Variants in PSEN1 observed in about 807,000 individuals in gnomAD.
The protein encoded by PSEN1 is presenilin-1.
A neutral mutation model predicts 53.5 loss-of-function variants in PSEN1; 15 were observed. That is an observed-to-expected ratio of 0.28 (90% CI 0.19 to 0.43). The LOEUF is 0.43. PSEN1 is among the 20% of genes least tolerant of loss of function. The pLI, the probability that PSEN1 is intolerant of heterozygous loss-of-function variation, is 1.00. For synonymous variants in PSEN1, 208 were observed against 209.8 expected, an observed-to-expected ratio of 0.99 and a Z score of 0.08; for missense variants, 387 against 571.2, an observed-to-expected ratio of 0.68 and a Z score of 3.29.
intron 3 of PSEN1, among the ~76,000 whole-genome samples, chr14:73,156,098 G>T (rs1897345986): frequency 6.6e-6 from 1 of 152,102 alleles, no homozygotes; most frequent in African/African-American, 2.4e-5. Flanking sequence ...ACTTTGGAAG[G>T]CTGAGGCGGG....
intron 5 of PSEN1, among the ~76,000 whole-genome samples, chr14:73,182,169 T>A (rs989199505): frequency 2.6e-5 from 4 of 152,184 alleles, no homozygotes; most frequent in Non-Finnish European, 5.9e-5. Context: ...GTTACAAGCA[T>A]ATGTTACTTT....
intron 8 of PSEN1, among the ~76,000 whole-genome samples, chr14:73,205,163 G>A (rs1899399524): frequency 6.6e-6 from 1 of 152,046 alleles, no homozygotes; most frequent in South Asian, 2.1e-4. Context: ...AGACATAAAT[G>A]TCAAGTATCT....
At chr14:73,193,352 C>T (rs1281920448) in intron 7 of PSEN1, among the ~76,000 whole-genome samples, 5 of 151,600 alleles carry the variant, frequency 3.3e-5, no homozygotes, top group Non-Finnish European at 7.4e-5. Flanking sequence ...TTTTGACAAG[C>T]TGGCCAATAT....
intron 8 of PSEN1, among the ~76,000 whole-genome samples, chr14:73,205,603 G>T (rs983810235): frequency 2.6e-5 from 4 of 152,086 alleles, no homozygotes; most frequent in Admixed American, 6.6e-5. Flanking sequence ...GTTATTGTTG[G>T]TGTATCTTCA....
intron 8 of PSEN1, among the ~76,000 whole-genome samples, chr14:73,203,731 G>C (rs1407389333): frequency 6.6e-6 from 1 of 152,124 alleles, no homozygotes; most frequent in Non-Finnish European, 1.5e-5. Context: ...TTCTTACCTA[G>C]TGGTCATTAG....
chr14:73,188,602 G>A (rs1001603558), intron 6 of PSEN1, among the ~76,000 whole-genome samples: 5 of 152,100 alleles, frequency 3.3e-5, no homozygotes, highest in African/African-American at 1.2e-4. Context: ...AGCTATGATT[G>A]CACCACTGCA....
intron 1 of PSEN1, among the ~76,000 whole-genome samples, chr14:73,145,213 T>G (rs1273278425): frequency 6.6e-6 from 1 of 152,140 alleles, no homozygotes; most frequent in Admixed American, 6.6e-5. Context: ...TTATTTTTGC[T>G]TGCATTACCC....
At chr14:73,161,003 A>C (rs1360791906) in intron 3 of PSEN1, among the ~76,000 whole-genome samples, 1 of 101,132 alleles carries the variant, frequency 9.9e-6, no homozygotes. Context: ...ACAAGGTTTT[A>C]CTGTGTCACC....
At chr14:73,208,960 C>T (rs1234177150) in intron 9 of PSEN1, 5 of 445,812 alleles carry the variant, frequency 1.1e-5, no homozygotes. Context: ...CCATGCTTGT[C>T]AGCACCCAAA....
At chr14:73,153,252 C>T (rs1897273843) in intron 3 of PSEN1, among the ~76,000 whole-genome samples, 1 of 152,176 alleles carries the variant, frequency 6.6e-6, no homozygotes, top group Non-Finnish European at 1.5e-5. Context: ...AACTTGAAAT[C>T]TCAACGACCT....
chr14:73,171,551 G>C (rs534349859), intron 4 of PSEN1, among the ~76,000 whole-genome samples: 102 of 152,308 alleles, frequency 6.7e-4, no homozygotes, highest in Middle Eastern at 6.8e-3. Flanking sequence ...GCGCACATTT[G>C]GACAAGGGAG....
intron 3 of PSEN1, among the ~76,000 whole-genome samples, chr14:73,166,817 G>A (rs1013867685): frequency 2.0e-5 from 3 of 152,240 alleles, no homozygotes; most frequent in Admixed American, 1.3e-4. Context: ...CTTTAGAATA[G>A]TTTCCTTTCC....
chr14:73,209,464 T>C (rs1453326648), intron 9 of PSEN1, among the ~76,000 whole-genome samples: 1 of 152,242 alleles, frequency 6.6e-6, no homozygotes, highest in Non-Finnish European at 1.5e-5. Flanking sequence ...GGTATATATG[T>C]ATGTGAGTGA....
chr14:73,156,262 C>T (rs145175423), intron 3 of PSEN1, among the ~76,000 whole-genome samples: 188 of 151,654 alleles, frequency 1.2e-3, no homozygotes, highest in Non-Finnish European at 2.1e-3. Flanking sequence ...AGGCTGAGGT[C>T]GGAGGATGAC....
chr14:73,169,310 G>A (rs1419947392), intron 3 of PSEN1: 1 of 152,082 alleles, frequency 6.6e-6, no homozygotes, highest in Non-Finnish European at 1.5e-5. Flanking sequence ...AAGCTTAGGG[G>A]TTATTTACAC....
At chr14:73,174,012 G>A in intron 5 of PSEN1, 1 of 547,792 alleles carries the variant, frequency 1.8e-6, no homozygotes, top group Non-Finnish European at 3.2e-6. Context: ...ACAAATATTG[G>A]AAGTATTTTA....
intron 6 of PSEN1, among the ~76,000 whole-genome samples, chr14:73,188,098 T>A (rs1898581309): frequency 6.6e-6 from 1 of 152,060 alleles, no homozygotes; most frequent in African/African-American, 2.4e-5. Flanking sequence ...CCAGCTAATT[T>A]TTGCATTTTT....
intron 5 of PSEN1, among the ~76,000 whole-genome samples, chr14:73,176,526 ACT>A (rs1898052251): frequency 6.6e-6 from 1 of 152,140 alleles, no homozygotes; most frequent in Non-Finnish European, 1.5e-5. Context: ...GGAGCTCTGG[ACT>A]CAGAGTTCTT....
At chr14:73,159,725 T>C (rs935321934) in intron 3 of PSEN1, among the ~76,000 whole-genome samples, 4 of 152,230 alleles carry the variant, frequency 2.6e-5, no homozygotes, top group African/African-American at 9.6e-5. Context: ...AACTCTATAC[T>C]CATTGGACAA....
Sources: gnomAD v4.1 joint callset for allele counts (sites outside exome capture counted in the v4.1 genomes callset) on GRCh38, gnomAD v4.1.1 for gene constraint, MANE v1.5 for transcripts, NCBI Gene and HGNC (gene_info 2026-07-23, HGNC 2026-07-21) for gene names.